The following ACSS1 variants were observed in gnomAD, a reference collection of about 807,000 sequenced individuals.
ACSS1 encodes acyl-CoA synthetase short chain family member 1.
In ACSS1, 42 loss-of-function variants were observed where a neutral mutation model predicts 75.3. The observed-to-expected ratio is 0.56, with a 90% CI of 0.44 to 0.72. The LOEUF is 0.72. Ranked by LOEUF, ACSS1 falls within the 30% of genes least tolerant of loss-of-function variation. The pLI, the probability that ACSS1 is intolerant of heterozygous loss-of-function variation, is 0.00. For synonymous variants in ACSS1, 380 were observed against 376.8 expected (o/e 1.01, Z -0.10); for missense variants, 782 against 935.7 (o/e 0.84, Z 2.14).
At chr20:25,048,048 G>A (rs537738001) in intron 2 of ACSS1, 37 bp downstream of exon 2, 25 of 1,589,130 alleles carry the variant, frequency 1.6e-5, no homozygotes, top group Non-Finnish European at 2.1e-5. Context: ...TGGGCTGGGC[G>A]CCTCCCTCGC....
At position 25,006,723 on chromosome 20, in the gene ACSS1, A is replaced by G. The variant is rs1030935405; in HGVS notation, c.*1039T>C. On this transcript the variant is annotated 3_prime_UTR_variant, in exon 14 of 14. Coordinates refer to ENST00000323482, the MANE Select transcript of ACSS1 (RefSeq NM_032501.4). ...TTTCCATTATCTTGCTAATGTTGACAGCACCTAAGTCACATTAAAACAAAG... is the reference window on the plus strand; with the variant it reads ...TTTCCATTATCTTGCTAATGTTGACGGCACCTAAGTCACATTAAAACAAAG... 8.2e-7 allele frequency: 1 copy of G among 1,224,564 alleles called. No individual in the cohort carries two copies. The highest frequency in any genetic ancestry group is 1.5e-5 in the African/African-American group (1 of 65,692). 75.9% of individuals were successfully genotyped at this position (1,224,564 alleles called of 1,614,324 possible).
At chr20:25,039,390 C>A (rs1013845326) in intron 2 of ACSS1, among the ~76,000 whole-genome samples, 1 of 152,212 alleles carries the variant, frequency 6.6e-6, no homozygotes, top group Admixed American at 6.5e-5. Flanking sequence ...ATTCATGTAA[C>A]ATTTTTCTTG....
rs1665139256 is a variant in ACSS1, at chr20:25,048,629, G to T, written c.335-448C>A. ...AGGGCTTGGCTCCTGCAGTTCCCAT[G>T]TGCCCAGTGCTGACCTGCCCCCAAG... On this transcript the variant is annotated intron_variant, in intron 1 of 13. Coordinates refer to ENST00000323482, the MANE Select transcript of ACSS1 (RefSeq NM_032501.4). Among the ~76,000 whole-genome samples, 8 of 152,234 alleles carry T rather than the reference G, an allele frequency of 5.3e-5. No individual in the cohort carries two copies. In the South Asian group the frequency reaches 1.7e-3, roughly 32 times the overall value.
chr20:25,023,481 G>A lies in ACSS1; in HGVS notation c.792C>T (p.Asp264=), dbSNP rs752647490. The A allele has an allele frequency of 1.5e-5, 25 of 1,613,928 alleles. No homozygotes were observed. Among genetic ancestry groups the A allele is most frequent in the South Asian group, 3.3e-5 (3 of 91,062 alleles). Residue 264 remains aspartate (D), a synonymous_variant, in exon 4 of 14, where the codon GAC becomes GAT. Coordinates refer to ENST00000323482, the MANE Select transcript of ACSS1 (RefSeq NM_032501.4). ...GGTAACCCACCTGCTCCAGCGGGAC[G>A]TCCAGATCCCCCATGTGGACCTTGT... The part of the protein sequence containing the change: ...TDNKVHMGDL[D]VPLEQEMAKE...
At chr20:25,039,630 G>A (rs1237500359) in intron 2 of ACSS1, among the ~76,000 whole-genome samples, 1 of 152,198 alleles carries the variant, frequency 6.6e-6, no homozygotes, top group Admixed American at 6.5e-5. Context: ...CACCTGCCCA[G>A]GGCATGCCTC....
At chr20:25,020,235 G>C (rs2088596973) in intron 6 of ACSS1, 88 bp from the exon 7 acceptor site, 6 of 1,571,722 alleles carry the variant, frequency 3.8e-6, no homozygotes, top group Non-Finnish European at 5.2e-6. Flanking sequence ...CCTGAGTGCT[G>C]GGCATGTGCA....
chr20:25,048,675 C>G (rs552804824), intron 1 of ACSS1, among the ~76,000 whole-genome samples: 1 of 152,230 alleles, frequency 6.6e-6, no homozygotes, highest in Non-Finnish European at 1.5e-5. Context: ...CAAGAAGGGA[C>G]GAGGACCCAA....
chr20:25,056,686 A>G (rs1284542041), intron 1 of ACSS1, among the ~76,000 whole-genome samples: 1 of 152,176 alleles, frequency 6.6e-6, no homozygotes, highest in Non-Finnish European at 1.5e-5. Context: ...AACAAGGACA[A>G]CTGAGGGAGG....
At chr20:25,046,396 C>T (rs1488001925) in intron 2 of ACSS1, 2 of 203,344 alleles carry the variant, frequency 9.8e-6, no homozygotes, top group Non-Finnish European at 1.0e-5. Flanking sequence ...GGCTCCAGCC[C>T]CGCTCACAGA....
intron 2 of ACSS1, among the ~76,000 whole-genome samples, chr20:25,040,206 C>T (rs1270496021): frequency 6.6e-6 from 1 of 152,242 alleles, no homozygotes; most frequent in Non-Finnish European, 1.5e-5. Context: ...GCACACCCCA[C>T]ATGCCCTCTG....
At chr20:25,037,287 C>A (rs138281594) in intron 2 of ACSS1, among the ~76,000 whole-genome samples, 306 of 152,212 alleles carry the variant, frequency 2.0e-3, no homozygotes, top group Admixed American at 3.3e-3. Flanking sequence ...GTGGGAAGGA[C>A]CTCCACCAAG....
At chr20:25,008,080 C>G (rs2088342292) in intron 13 of ACSS1, 139 bp from the exon 14 acceptor site, 5 of 1,154,246 alleles carry the variant, frequency 4.3e-6, no homozygotes, top group Non-Finnish European at 4.8e-6. Flanking sequence ...AAGCCTCCAC[C>G]CCAGAGAACG....
intron 2 of ACSS1, chr20:25,032,338 A>T: frequency 7.6e-7 from 1 of 1,313,870 alleles, no homozygotes; most frequent in Non-Finnish European, 9.7e-7. Flanking sequence ...ACTCCGGGAA[A>T]ACTGGGAGCA....
At position 25,037,391 on chromosome 20, in the gene ACSS1, C is replaced by T. The variant is rs118074128; in HGVS notation, c.432-6433G>A. Among the ~76,000 whole-genome samples the T allele has an allele frequency of 5.0e-3, 762 of 152,268 alleles. 6 individuals are homozygous for T. Among genetic ancestry groups the T allele is most frequent in the Non-Finnish European group, 8.3e-3 (567 of 68,022 alleles). ...ATCACGCTGGCATGAAGATGTGCTGCTGCTCTGAGAAGCAAATGGGAAGGA... is the reference window on the plus strand; with the variant it reads ...ATCACGCTGGCATGAAGATGTGCTGTTGCTCTGAGAAGCAAATGGGAAGGA... On this transcript the variant is annotated intron_variant, in intron 2 of 13. Coordinates refer to ENST00000323482, the MANE Select transcript of ACSS1 (RefSeq NM_032501.4).
At chr20:25,057,018 G>A (rs1209075765) in intron 1 of ACSS1, among the ~76,000 whole-genome samples, 1 of 152,214 alleles carries the variant, frequency 6.6e-6, no homozygotes, top group Non-Finnish European at 1.5e-5. Flanking sequence ...CAGAGCAGCA[G>A]GGCCTCTGCT....
At chr20:25,057,553 C>A (rs1260857292) in intron 1 of ACSS1, among the ~76,000 whole-genome samples, 6 of 152,192 alleles carry the variant, frequency 3.9e-5, no homozygotes, top group African/African-American at 1.4e-4. Context: ...GGCGCCGGCC[C>A]GAGCTGGGCA....
At chr20:25,038,608 T>C (rs1421870011) in intron 2 of ACSS1, among the ~76,000 whole-genome samples, 4 of 152,156 alleles carry the variant, frequency 2.6e-5, no homozygotes, top group Non-Finnish European at 5.9e-5. Flanking sequence ...TGTCGCCGGC[T>C]CAGGGCACAT....
At chr20:25,051,104 G>A (rs952495086) in intron 1 of ACSS1, among the ~76,000 whole-genome samples, 17 of 152,208 alleles carry the variant, frequency 1.1e-4, no homozygotes, top group African/African-American at 3.9e-4. Context: ...GGCCTTTGCT[G>A]TGGCTTCTCC....
intron 2 of ACSS1, among the ~76,000 whole-genome samples, chr20:25,043,159 TC>T (rs146875481): frequency 0.015 from 2,214 of 151,916 alleles, 64 homozygotes; most frequent in African/African-American, 0.051. Flanking sequence ...TCCTCACCAG[TC>T]CCCCACTCCT....
Sources: gnomAD v4.1 joint callset for allele counts (sites outside exome capture counted in the v4.1 genomes callset) on GRCh38, gnomAD v4.1.1 for gene constraint, MANE v1.5 for transcripts, NCBI Gene and HGNC (gene_info 2026-07-23, HGNC 2026-07-21) for gene names.